CSNK2A2IP: variants seen among roughly 807,000 people sequenced by gnomAD.
CSNK2A2IP encodes the protein casein kinase 2 subunit alpha' interacting protein, also known as casein kinase II subunit alpha'-interacting protein.
At chr3:88,415,943 A>T in the CSNK2A2IP span, among the ~76,000 whole-genome samples, 3 of 152,100 alleles carry the variant, frequency 2.0e-5, no homozygotes, top group East Asian at 5.8e-4. Flanking sequence ...CAAAGAAGCC[A>T]AAGTTAGCCT....
the CSNK2A2IP span, among the ~76,000 whole-genome samples, chr3:88,414,270 G>GTT: frequency 7.2e-3 from 462 of 64,102 alleles, 71 homozygotes; most frequent in Non-Finnish European, 8.7e-3. Context: ...TACCAACAAA[G>GTT]TTTTTTTTTT....
At chr3:88,344,594 A>G in the CSNK2A2IP span, among the ~76,000 whole-genome samples, 1 of 151,940 alleles carries the variant, frequency 6.6e-6, no homozygotes, top group Non-Finnish European at 1.5e-5. Flanking sequence ...TTGATATGCA[A>G]CTTTTAAAAA....
chr3:88,365,716 C>A, the CSNK2A2IP span, among the ~76,000 whole-genome samples: 2 of 152,142 alleles, frequency 1.3e-5, no homozygotes, highest in African/African-American at 4.8e-5. Context: ...TAGAGAGGAA[C>A]TCCAATACCT....
the CSNK2A2IP span, among the ~76,000 whole-genome samples, chr3:88,366,394 C>T: frequency 1.5e-4 from 23 of 152,100 alleles, no homozygotes; most frequent in African/African-American, 5.3e-4. Flanking sequence ...GCTGGGAAGA[C>T]TTAAAATCAA....
chr3:88,355,342 T>C, the CSNK2A2IP span, among the ~76,000 whole-genome samples: 16 of 152,180 alleles, frequency 1.1e-4, no homozygotes, highest in African/African-American at 3.9e-4. Flanking sequence ...ATGTATGTTC[T>C]GGGTGTTTCT....
At chr3:88,367,694 G>C in the CSNK2A2IP span, among the ~76,000 whole-genome samples, 10 of 151,922 alleles carry the variant, frequency 6.6e-5, no homozygotes, top group Non-Finnish European at 1.5e-4. Context: ...AACGCACATG[G>C]CCCTTTTCAA....
chr3:88,447,911 G>A, the CSNK2A2IP span, among the ~76,000 whole-genome samples: 302 of 152,044 alleles, frequency 2.0e-3, no homozygotes, highest in African/African-American at 7.0e-3. Context: ...AGAGGTATTT[G>A]GTATTTTCTT....
chr3:88,372,244 G>GT, the CSNK2A2IP span, among the ~76,000 whole-genome samples: 3 of 151,350 alleles, frequency 2.0e-5, no homozygotes, highest in Admixed American at 1.3e-4. Context: ...AAGTAATTGT[G>GT]TTTTTTGCCA....
At chr3:88,453,182 T>C in the CSNK2A2IP span, among the ~76,000 whole-genome samples, 1 of 151,994 alleles carries the variant, frequency 6.6e-6, no homozygotes, top group Non-Finnish European at 1.5e-5. Context: ...CAAAAGAGAG[T>C]TATTCTCTTA....
the CSNK2A2IP span, among the ~76,000 whole-genome samples, chr3:88,366,506 G>A: frequency 6.6e-6 from 1 of 152,100 alleles, no homozygotes; most frequent in Non-Finnish European, 1.5e-5. Context: ...GATTCTTGAA[G>A]TTAAAAACAG....
At chr3:88,354,218 C>G in the CSNK2A2IP span, among the ~76,000 whole-genome samples, 4 of 152,100 alleles carry the variant, frequency 2.6e-5, no homozygotes, top group Non-Finnish European at 5.9e-5. Flanking sequence ...TTATAAATAC[C>G]CAGCCTTAGG....
the CSNK2A2IP span, among the ~76,000 whole-genome samples, chr3:88,452,949 T>A: frequency 6.6e-6 from 1 of 152,136 alleles, no homozygotes; most frequent in Non-Finnish European, 1.5e-5. Context: ...GTATGACAGA[T>A]AAAAGGTTTG....
the CSNK2A2IP span, among the ~76,000 whole-genome samples, chr3:88,446,115 T>C: frequency 1.4e-5 from 2 of 147,830 alleles, no homozygotes; most frequent in Non-Finnish European, 3.0e-5. Context: ...TCTTTCTTTC[T>C]TTTTTTTCTT....
the CSNK2A2IP span, among the ~76,000 whole-genome samples, chr3:88,378,856 T>G: frequency 1.3e-5 from 2 of 152,074 alleles, no homozygotes; most frequent in East Asian, 3.9e-4. Context: ...ACTGAATGAA[T>G]GGATGACCAT....
chr3:88,351,392 G>A, the CSNK2A2IP span, among the ~76,000 whole-genome samples: 1 of 152,028 alleles, frequency 6.6e-6, no homozygotes, highest in Non-Finnish European at 1.5e-5. Flanking sequence ...TGGCTTCAAA[G>A]ACGATGTTAA....
the CSNK2A2IP span, among the ~76,000 whole-genome samples, chr3:88,450,223 T>A: frequency 1.3e-5 from 2 of 152,112 alleles, no homozygotes; most frequent in Admixed American, 6.5e-5. Flanking sequence ...TACAACATGA[T>A]GTTATAGGAA....
chr3:88,404,152 T>C, the CSNK2A2IP span, among the ~76,000 whole-genome samples: 4 of 150,946 alleles, frequency 2.6e-5, no homozygotes, highest in African/African-American at 7.3e-5. Context: ...GTGCACACCA[T>C]GTGTAACAGA....
chr3:88,374,270 G>C, the CSNK2A2IP span, among the ~76,000 whole-genome samples: 1 of 151,648 alleles, frequency 6.6e-6, no homozygotes, highest in East Asian at 1.9e-4. Flanking sequence ...GTATATTTCG[G>C]TGCGAGGCAG....
chr3:88,452,890 C>T, the CSNK2A2IP span, among the ~76,000 whole-genome samples: 1 of 152,012 alleles, frequency 6.6e-6, no homozygotes, highest in Non-Finnish European at 1.5e-5. Flanking sequence ...TGGTGAGAGG[C>T]TCTTTTATGT....
Sources: gnomAD v4.1 joint callset for allele counts (sites outside exome capture counted in the v4.1 genomes callset) on GRCh38, gnomAD v4.1.1 for gene constraint, MANE v1.5 for transcripts, NCBI Gene and HGNC (gene_info 2026-07-23, HGNC 2026-07-21) for gene names.